ZBTB20: variants seen among roughly 807,000 people sequenced by gnomAD.
The protein encoded by ZBTB20 is zinc finger and BTB domain-containing protein 20.
A neutral mutation model predicts 56.9 loss-of-function variants in ZBTB20; 9 were observed. The observed-to-expected ratio is 0.16, with a 90% CI of 0.10 to 0.28. ZBTB20 has a LOEUF of 0.28. Ranked by LOEUF, ZBTB20 falls within the 10% of genes least tolerant of loss-of-function variation. The pLI, the probability that ZBTB20 is intolerant of heterozygous loss-of-function variation, is 1.00. For synonymous variants in ZBTB20, 417 were observed against 420.7 expected (o/e 0.99, Z 0.11); for missense variants, 655 against 1,003.0 (o/e 0.65, Z 4.69).
At chr3:114,587,492 T>C (rs971387561) in intron 6 of ZBTB20, among the ~76,000 whole-genome samples, 11 of 152,196 alleles carry the variant, frequency 7.2e-5, no homozygotes, top group African/African-American at 1.4e-4. Context: ...ATAGTACTCA[T>C]TGAATAAAAA....
chr3:114,646,362 T>C (rs1464281130), intron 6 of ZBTB20, among the ~76,000 whole-genome samples: 1 of 152,100 alleles, frequency 6.6e-6, no homozygotes, highest in African/African-American at 2.4e-5. Context: ...TAGGTAGAGT[T>C]TGTATTTGGA....
chr3:114,455,642 T>C (rs1384556832), intron 7 of ZBTB20, among the ~76,000 whole-genome samples: 3 of 152,096 alleles, frequency 2.0e-5, no homozygotes, highest in African/African-American at 7.2e-5. Context: ...AGAGGCACCG[T>C]GGCAAGAGAT....
chr3:114,981,390 C>T (rs1358966551), intron 2 of ZBTB20, among the ~76,000 whole-genome samples: 1 of 151,990 alleles, frequency 6.6e-6, no homozygotes, highest in Admixed American at 6.6e-5. Flanking sequence ...AATATGTTTC[C>T]TTTAAGGACA....
chr3:114,344,504 T>G (rs2080038257), intron 11 of ZBTB20, among the ~76,000 whole-genome samples: 1 of 152,236 alleles, frequency 6.6e-6, no homozygotes, highest in South Asian at 2.1e-4. Context: ...TTAATGGCTT[T>G]GATAGTTTTA....
At chr3:114,626,341 T>A (rs1339047194) in intron 6 of ZBTB20, among the ~76,000 whole-genome samples, 1 of 152,230 alleles carries the variant, frequency 6.6e-6, no homozygotes, top group Non-Finnish European at 1.5e-5. Context: ...AATATTATCA[T>A]CCTCATGGAA....
chr3:114,978,315 A>G (rs983040051), intron 2 of ZBTB20, among the ~76,000 whole-genome samples: 2 of 148,768 alleles, frequency 1.3e-5, no homozygotes, highest in African/African-American at 4.9e-5. Flanking sequence ...ATTATTAAAT[A>G]ATATTATTAA....
intron 7 of ZBTB20, among the ~76,000 whole-genome samples, chr3:114,405,146 GA>G (rs924180721): frequency 2.7e-4 from 41 of 152,086 alleles, no homozygotes; most frequent in African/African-American, 8.7e-4. Context: ...GTATGTAAGA[GA>G]AAAGTTGTAG....
At chr3:114,449,647 C>A (rs546324783) in intron 7 of ZBTB20, among the ~76,000 whole-genome samples, 1 of 150,574 alleles carries the variant, frequency 6.6e-6, no homozygotes, top group South Asian at 2.1e-4. Context: ...AAGAGGAGAA[C>A]CTGCTTCTTT....
chr3:114,786,762 A>G (rs1210526255), intron 5 of ZBTB20, among the ~76,000 whole-genome samples: 3 of 152,080 alleles, frequency 2.0e-5, no homozygotes, highest in Admixed American at 2.0e-4. Context: ...AATGACTAGA[A>G]TAAAAAAATA....
chr3:114,833,696 ATTTTT>A (rs60104867), intron 4 of ZBTB20, among the ~76,000 whole-genome samples: 43 of 125,204 alleles, frequency 3.4e-4, no homozygotes, highest in Non-Finnish European at 3.4e-4. Context: ...CACCTAGCTA[ATTTTT>A]TTTTTTTTTT....
chr3:114,768,739 A>G (rs2068960535), intron 5 of ZBTB20, among the ~76,000 whole-genome samples: 1 of 152,176 alleles, frequency 6.6e-6, no homozygotes, highest in African/African-American at 2.4e-5. Flanking sequence ...AACTCTGGAA[A>G]GTAAATAGGA....
intron 6 of ZBTB20, among the ~76,000 whole-genome samples, chr3:114,684,936 A>G (rs1376423236): frequency 6.6e-6 from 1 of 152,140 alleles, no homozygotes; most frequent in African/African-American, 2.4e-5. Context: ...AGTGAGTTCT[A>G]TCCTGAGATA....
chr3:114,341,978 C>A (rs1450059362), intron 11 of ZBTB20, among the ~76,000 whole-genome samples: 1 of 152,178 alleles, frequency 6.6e-6, no homozygotes. Flanking sequence ...TGCCACAGAA[C>A]AATGGTATGT....
At chr3:114,997,459 A>T (rs568368801) in intron 2 of ZBTB20, among the ~76,000 whole-genome samples, 1 of 152,026 alleles carries the variant, frequency 6.6e-6, no homozygotes, top group South Asian at 2.1e-4. Flanking sequence ...CAAATAATAC[A>T]TGAAAAGTCA....
intron 4 of ZBTB20, among the ~76,000 whole-genome samples, chr3:114,814,385 TTGTC>T (rs1056942822): frequency 1.3e-5 from 2 of 151,930 alleles, no homozygotes; most frequent in East Asian, 1.9e-4. Context: ...TACTGTATAT[TTGTC>T]TATCTACCCT....
chr3:114,968,544 G>C (rs573282389), intron 3 of ZBTB20, among the ~76,000 whole-genome samples: 3 of 152,128 alleles, frequency 2.0e-5, no homozygotes, highest in Non-Finnish European at 4.4e-5. Flanking sequence ...AGGTTGGAAG[G>C]CCAAACAGTA....
rs555783654 is a variant in ZBTB20 at position 114,339,202 on chromosome 3, G to A, written c.2029C>T (p.Leu677=). Residue 677 remains leucine (L), a synonymous_variant, in exon 12 of 12, where the codon CTG becomes TTG. Transcript: ENST00000675478. This position sits in a 1 kb window ranked among gnomAD's most constrained non-coding sequence, Gnocchi z 4.2. ...CTGTGCAGGGCCACGTGTCGCTCCA[G>A]GAGGGTCTTGTGAGAGAACTTCTTT... The part of the protein sequence containing the change: ...CKKKFSHKTL[L]ERHVALHSAS... 2 of 1,614,238 alleles carry A rather than the reference G, an allele frequency of 1.2e-6. No individual in the cohort carries two copies. Among genetic ancestry groups the A allele is most frequent in the South Asian group, 2.2e-5 (2 of 91,092 alleles).
At chr3:114,900,542 CACACACAG>C (rs1004147252) in intron 3 of ZBTB20, 200 bp from the exon 4 acceptor site, 5 of 151,180 alleles carry the variant, frequency 3.3e-5, no homozygotes, top group African/African-American at 4.9e-5. Context: ...CACACACACA[CACACACAG>C]AGTCCCTTAG....
intron 4 of ZBTB20, among the ~76,000 whole-genome samples, chr3:114,810,139 T>C (rs76352262): frequency 0.012 from 1,856 of 152,298 alleles, 39 homozygotes; most frequent in African/African-American, 0.043. Context: ...AAGTGTTTTT[T>C]TGATTTTTAC....
Sources: gnomAD v4.1 joint callset for allele counts (sites outside exome capture counted in the v4.1 genomes callset) on GRCh38, gnomAD v4.1.1 for gene constraint, Gnocchi (gnomAD v3.1) non-coding constraint, MANE v1.5 for transcripts, NCBI Gene and HGNC (gene_info 2026-07-23, HGNC 2026-07-21) for gene names.